The following CACNA2D3 variants were observed in gnomAD, a reference collection of about 807,000 sequenced individuals.
CACNA2D3 encodes voltage-dependent calcium channel subunit alpha-2/delta-3.
A neutral mutation model predicts 160.6 loss-of-function variants in CACNA2D3; 60 were observed. That is an observed-to-expected ratio of 0.37 (90% CI 0.30 to 0.46). The LOEUF (loss-of-function observed/expected upper bound fraction) is 0.46, where lower values mean the gene tolerates loss of function less well. Ranked by LOEUF, CACNA2D3 falls within the 20% of genes least tolerant of loss-of-function variation. CACNA2D3 has a pLI of 1.00. For missense variants in CACNA2D3, 1,205 were observed against 1,365.0 expected (o/e 0.88, Z 1.85); for synonymous variants, 558 against 492.9 (o/e 1.13, Z -1.75).
At chr3:55,002,095 G>C (rs887625593) in intron 31 of CACNA2D3, among the ~76,000 whole-genome samples, 1 of 151,480 alleles carries the variant, frequency 6.6e-6, no homozygotes, top group African/African-American at 2.4e-5. Flanking sequence ...GGCAGAGGTT[G>C]CAGTGAGCCA....
chr3:54,848,837 T>C (rs1010507948), intron 17 of CACNA2D3, among the ~76,000 whole-genome samples: 1 of 152,186 alleles, frequency 6.6e-6, no homozygotes, highest in African/African-American at 2.4e-5. Context: ...ATAACCATAG[T>C]GCATAGATCG....
chr3:54,999,993 C>T (rs1702944762), intron 31 of CACNA2D3, among the ~76,000 whole-genome samples: 1 of 152,156 alleles, frequency 6.6e-6, no homozygotes, highest in African/African-American at 2.4e-5. Flanking sequence ...GTTCCACCAT[C>T]CATGTGGGCA....
At chr3:54,625,603 G>C (rs1699080716) in intron 9 of CACNA2D3, among the ~76,000 whole-genome samples, 1 of 151,812 alleles carries the variant, frequency 6.6e-6, no homozygotes, top group Non-Finnish European at 1.5e-5. Context: ...AGAGGGTCTT[G>C]TGGGTTGTAT....
chr3:54,901,300 G>A (rs891971782), intron 27 of CACNA2D3: 3 of 152,104 alleles, frequency 2.0e-5, no homozygotes, highest in African/African-American at 7.2e-5. Context: ...CCTTTCTTTG[G>A]GTTTCTAGTT....
intron 4 of CACNA2D3, among the ~76,000 whole-genome samples, chr3:54,478,683 T>TATATATATATATATATATTGC (rs1553692205): frequency 7.1e-6 from 1 of 139,864 alleles, no homozygotes; most frequent in Non-Finnish European, 1.5e-5. Flanking sequence ...TATATATTGC[T>TATATATATATATATATATTGC]TGTCATTCTG....
Position 54,764,315 on chromosome 3 carries a change from T to C in CACNA2D3, c.1344T>C (p.His448=). ...GGCCCAAAGTCATCGACCAGGAGCA[T>C]GATGTGGTGTGGACCGAAGCTTACA... is the stretch of plus-strand genomic sequence containing the variant. ...LSRPKVIDQE[H]DVVWTEAYID... Residue 448 remains histidine (H), a synonymous_variant, in exon 13 of 38, where the codon CAT becomes CAC. Coordinates refer to ENST00000474759, the MANE Select transcript of CACNA2D3 (RefSeq NM_018398.3). The C allele has an allele frequency of 6.2e-7, 1 of 1,613,780 alleles. No individual in the cohort carries two copies. The highest frequency in any genetic ancestry group is 8.5e-7 in the Non-Finnish European group (1 of 1,179,818).
intron 11 of CACNA2D3, among the ~76,000 whole-genome samples, chr3:54,643,852 T>A (rs1699578752): frequency 6.6e-6 from 1 of 152,042 alleles, no homozygotes; most frequent in African/African-American, 2.4e-5. Flanking sequence ...TAAACATGAG[T>A]AGGGCCATGG....
chr3:54,996,229 C>G (rs9851609), intron 31 of CACNA2D3, among the ~76,000 whole-genome samples: 20 of 152,308 alleles, frequency 1.3e-4, no homozygotes, highest in Non-Finnish European at 2.5e-4. Context: ...CCAGAATCAG[C>G]TCTCCTGCTT....
chr3:54,520,983 A>G (rs1701638812), intron 5 of CACNA2D3, among the ~76,000 whole-genome samples: 1 of 152,214 alleles, frequency 6.6e-6, no homozygotes, highest in Non-Finnish European at 1.5e-5. Context: ...TTGTACATAA[A>G]TACTACATTT....
At chr3:54,689,455 C>G (rs1281636610) in intron 11 of CACNA2D3, among the ~76,000 whole-genome samples, 1 of 152,102 alleles carries the variant, frequency 6.6e-6, no homozygotes, top group Non-Finnish European at 1.5e-5. Context: ...TCCTGAAGCT[C>G]AGACTTGTGC....
intron 11 of CACNA2D3, among the ~76,000 whole-genome samples, chr3:54,674,666 A>G (rs1700209602): frequency 6.7e-6 from 1 of 149,996 alleles, no homozygotes; most frequent in South Asian, 2.1e-4. Flanking sequence ...GTAGATTCAA[A>G]AGGAGTGAGC....
At chr3:54,740,636 A>G (rs1340092009) in intron 11 of CACNA2D3, among the ~76,000 whole-genome samples, 1 of 152,206 alleles carries the variant, frequency 6.6e-6, no homozygotes, top group African/African-American at 2.4e-5. Context: ...ATCACAGGTA[A>G]AACAGAGTGA....
At chr3:54,759,346 G>C (rs1419217278) in intron 12 of CACNA2D3, among the ~76,000 whole-genome samples, 2 of 152,054 alleles carry the variant, frequency 1.3e-5, no homozygotes, top group African/African-American at 4.8e-5. Flanking sequence ...GAAAGGGGAG[G>C]GAAAGTGGCC....
intron 11 of CACNA2D3, among the ~76,000 whole-genome samples, chr3:54,646,996 G>A (rs1339793697): frequency 3.3e-5 from 5 of 152,320 alleles, no homozygotes; most frequent in African/African-American, 1.2e-4. Context: ...CCTTGAATGT[G>A]AGAGTGGCTT....
intron 5 of CACNA2D3, among the ~76,000 whole-genome samples, chr3:54,511,012 C>A (rs1264518634): frequency 1.3e-5 from 2 of 152,198 alleles, no homozygotes; most frequent in Non-Finnish European, 2.9e-5. Context: ...GGTTTACTGT[C>A]CTCTTTTCCT....
intron 4 of CACNA2D3, among the ~76,000 whole-genome samples, chr3:54,449,556 ATTG>A (rs1444266308): frequency 6.6e-6 from 1 of 152,064 alleles, no homozygotes; most frequent in Non-Finnish European, 1.5e-5. Flanking sequence ...TGTAATCCCC[ATTG>A]TTGGAGGTGG....
chr3:54,187,097 G>A (rs981612452), intron 2 of CACNA2D3, among the ~76,000 whole-genome samples: 6 of 152,310 alleles, frequency 3.9e-5, no homozygotes, highest in African/African-American at 1.4e-4. Flanking sequence ...AGTGCTGTAG[G>A]ACGCGGTGAC....
At chr3:54,349,304 A>G (rs1221744227) in intron 3 of CACNA2D3, among the ~76,000 whole-genome samples, 1 of 152,156 alleles carries the variant, frequency 6.6e-6, no homozygotes, top group Non-Finnish European at 1.5e-5. Context: ...GATTGCATGC[A>G]TCCTGGCCTG....
chr3:54,924,755 G>T (rs1029902385), intron 27 of CACNA2D3: 5 of 1,614,130 alleles, frequency 3.1e-6, no homozygotes, highest in Non-Finnish European at 4.2e-6. Flanking sequence ...GCTGAAGCTG[G>T]TTTTGTTGAA....
Sources: allele counts gnomAD v4.1 joint callset (sites outside exome capture counted in the v4.1 genomes callset), GRCh38; gene constraint gnomAD v4.1.1; transcripts MANE v1.5; gene names NCBI Gene and HGNC (gene_info 2026-07-23, HGNC 2026-07-21).